BCAS3: variants seen among roughly 807,000 people sequenced by gnomAD.
The protein encoded by BCAS3 is BCAS4/BCAS3 fusion.
Under a neutral mutation model 116.1 loss-of-function variants are expected in BCAS3, and 53 were observed. The observed-to-expected ratio is 0.46, with a 90% confidence interval of 0.37 to 0.57. The LOEUF (loss-of-function observed/expected upper bound fraction) is 0.57. Among genes scored for constraint, BCAS3 ranks in the 20% least tolerant of loss-of-function variants. The probability of loss-of-function intolerance (pLI) is 0.00; values close to 1 mark genes in which losing one functional copy is unlikely to be tolerated. For synonymous variants in BCAS3, 391 were observed against 408.2 expected (o/e 0.96, Z 0.51); for missense variants, 917 against 1,165.4 (o/e 0.79, Z 3.10).
At chr17:61,263,288 A>G (rs183043358) in intron 22 of BCAS3, among the ~76,000 whole-genome samples, 2 of 152,358 alleles carry the variant, frequency 1.3e-5, no homozygotes, top group African/African-American at 4.8e-5. Context: ...TGGAACCGTT[A>G]TCAGAACCCA....
Position 61,013,588 on chromosome 17 carries a change from CT to C in BCAS3, c.1487-2161del. Among the ~76,000 whole-genome samples the C allele has an allele frequency of 6.6e-6, 1 of 152,054 alleles. No homozygotes were observed. Among genetic ancestry groups the C allele is most frequent in the East Asian group, 1.9e-4 (1 of 5,194 alleles). ...GGTTCTGTGTTGTGGCCTAAATCAT[CT>C]TGTGTGTATTGTGAATTCTGTCTTT... On this transcript the variant is annotated intron_variant, in intron 15 of 23. Coordinates refer to ENST00000407086, the MANE Select transcript of BCAS3 (RefSeq NM_017679.5). This position sits in a 1 kb window ranked among gnomAD's most constrained non-coding sequence, Gnocchi z 4.4.
At chr17:61,372,383 C>G (rs1011946856) in intron 23 of BCAS3, among the ~76,000 whole-genome samples, 10 of 152,230 alleles carry the variant, frequency 6.6e-5, no homozygotes, top group African/African-American at 2.4e-4. Context: ...TCTCTTCTCT[C>G]TCAGTACCTG....
At chr17:60,955,625 C>T (rs944201620) in intron 14 of BCAS3, among the ~76,000 whole-genome samples, 2 of 151,948 alleles carry the variant, frequency 1.3e-5, no homozygotes, top group Non-Finnish European at 2.9e-5. Flanking sequence ...ACCTTGTGAT[C>T]CGCCCTCCTT....
rs561108959 is a variant in BCAS3, at chr17:61,004,606, C to T, written c.1487-11145C>T. 6.6e-6 allele frequency among the ~76,000 whole-genome samples: 1 copy of T among 151,772 alleles called. No individual in the cohort carries two copies. Among genetic ancestry groups the T allele is most frequent in the Non-Finnish European group, 1.5e-5 (1 of 67,938 alleles). ...CAACAAGACAGGGATCAGGGCTATACCAGGATTATGCACAGAAGTAGAAAT... is the reference window on the plus strand; with the variant it reads ...CAACAAGACAGGGATCAGGGCTATATCAGGATTATGCACAGAAGTAGAAAT... On this transcript the variant is annotated intron_variant, in intron 15 of 23. Coordinates refer to ENST00000407086, the MANE Select transcript of BCAS3 (RefSeq NM_017679.5). The surrounding 1 kb of genome is among the most constrained non-coding windows in gnomAD (Gnocchi z 4.8).
At position 61,326,936 on chromosome 17, in the gene BCAS3, G is replaced by GA. The variant is rs1244602619; in HGVS notation, c.2426-41385dup. ...TGTATTTGTTGTTAGAGGAAGAAAA[G>GA]AAAAAAGAAATAACAAATAGTAGAA... On this transcript the variant is annotated intron_variant, in intron 22 of 23. Transcript: ENST00000407086. The surrounding 1 kb of genome is among the most constrained non-coding windows in gnomAD (Gnocchi z 5.3). 6.6e-6 allele frequency among the ~76,000 whole-genome samples: 1 copy of GA among 151,622 alleles called. No homozygotes were observed. The highest frequency in any genetic ancestry group is 1.5e-5 in the Non-Finnish European group (1 of 67,860).
intron 9 of BCAS3, among the ~76,000 whole-genome samples, chr17:60,879,786 A>G (rs1038394915): frequency 1.3e-5 from 2 of 152,244 alleles, no homozygotes; most frequent in Admixed American, 1.3e-4. Flanking sequence ...ATGATTAATA[A>G]CAAATAGAAC....
intron 22 of BCAS3, among the ~76,000 whole-genome samples, chr17:61,142,706 A>G (rs1458256839): frequency 1.3e-5 from 2 of 152,174 alleles, no homozygotes; most frequent in African/African-American, 4.8e-5. Flanking sequence ...ATTTGATGAC[A>G]TCTGGGATTT....
intron 22 of BCAS3, among the ~76,000 whole-genome samples, chr17:61,293,578 G>A (rs2052638112): frequency 6.6e-6 from 1 of 152,176 alleles, no homozygotes; most frequent in Non-Finnish European, 1.5e-5. Context: ...TCACTTGGAA[G>A]TGACAGGTAT....
intron 13 of BCAS3, among the ~76,000 whole-genome samples, chr17:60,936,631 G>A (rs2059944236): frequency 6.6e-6 from 1 of 152,128 alleles, no homozygotes; most frequent in Non-Finnish European, 1.5e-5. Context: ...ATTTTTTCAT[G>A]TGTCTTTTGG....
At chr17:60,865,366 T>C (rs1250211264) in intron 7 of BCAS3, among the ~76,000 whole-genome samples, 1 of 152,192 alleles carries the variant, frequency 6.6e-6, no homozygotes, top group African/African-American at 2.4e-5. Context: ...AATACATAGA[T>C]CAGTTTGGGG....
chr17:61,015,179 G>A (rs193145375), intron 15 of BCAS3, among the ~76,000 whole-genome samples: 5 of 152,170 alleles, frequency 3.3e-5, no homozygotes, highest in Admixed American at 2.0e-4. Flanking sequence ...CCTAAGCAGG[G>A]CAACAAACCA....
At chr17:60,951,561 C>A (rs573271467) in intron 14 of BCAS3, among the ~76,000 whole-genome samples, 8 of 152,074 alleles carry the variant, frequency 5.3e-5, no homozygotes, top group Non-Finnish European at 8.8e-5. Flanking sequence ...CTTAACAGTG[C>A]AGTGGTATTA....
rs1389597579 is a variant in BCAS3 at position 61,214,552 on chromosome 17, G to T, written c.2425+129988G>T. On this transcript the variant is annotated intron_variant, in intron 22 of 23. Transcript: ENST00000407086. This position sits in a 1 kb window ranked among gnomAD's most constrained non-coding sequence, Gnocchi z 4.4. ...ACCAAAAAAAAAAAATTAGCTGGGCGTGGCGGCGGGCGCCTGTAGTCCCAG... is the reference window on the plus strand; with the variant it reads ...ACCAAAAAAAAAAAATTAGCTGGGCTTGGCGGCGGGCGCCTGTAGTCCCAG... Among the ~76,000 whole-genome samples, 3 of 151,160 alleles carry T rather than the reference G, an allele frequency of 2.0e-5. No homozygotes were observed. Among genetic ancestry groups the T allele is most frequent in the African/African-American group, 2.4e-5 (1 of 41,116 alleles).
intron 6 of BCAS3, among the ~76,000 whole-genome samples, chr17:60,804,054 C>T (rs1475282582): frequency 1.9e-4 from 29 of 151,100 alleles, no homozygotes; most frequent in African/African-American, 4.6e-4. Context: ...CTGCCCGCCA[C>T]GGCCTCCCAA....
chr17:60,686,417 AG>A (rs201404940), intron 3 of BCAS3, among the ~76,000 whole-genome samples: 7,081 of 152,232 alleles, frequency 0.047, 582 homozygotes, highest in African/African-American at 0.16. Flanking sequence ...GACTGGTAGC[AG>A]CTTCTTTAGT....
intron 6 of BCAS3, among the ~76,000 whole-genome samples, chr17:60,756,523 A>G (rs1187709499): frequency 6.6e-6 from 1 of 152,188 alleles, no homozygotes; most frequent in Non-Finnish European, 1.5e-5. Flanking sequence ...AGAACATGTG[A>G]CATCTGAATT....
At chr17:60,951,722 C>A (rs2060840153) in intron 14 of BCAS3, among the ~76,000 whole-genome samples, 1 of 150,404 alleles carries the variant, frequency 6.6e-6, no homozygotes, top group Non-Finnish European at 1.5e-5. Context: ...AGGGGAAAAT[C>A]CAATTTACTG....
intron 13 of BCAS3, among the ~76,000 whole-genome samples, chr17:60,937,497 C>T (rs1028338049): frequency 2.6e-5 from 4 of 152,194 alleles, no homozygotes; most frequent in Non-Finnish European, 4.4e-5. Context: ...TTTAAGTATA[C>T]GGCTTGTTGA....
chr17:60,747,377 T>C, intron 6 of BCAS3, 98 bp downstream of exon 6: 1 of 991,822 alleles, frequency 1.0e-6, no homozygotes, highest in Non-Finnish European at 1.5e-6. Flanking sequence ...AAGTCTGTTT[T>C]CCTCCAAGTG....
Sources: allele counts gnomAD v4.1 joint callset (sites outside exome capture counted in the v4.1 genomes callset), GRCh38; gene constraint gnomAD v4.1.1; non-coding constraint Gnocchi (gnomAD v3.1); transcripts MANE v1.5; gene names NCBI Gene and HGNC (gene_info 2026-07-23, HGNC 2026-07-21).